The following CD9 variants were observed in gnomAD, a reference collection of about 807,000 sequenced individuals.
CD9 encodes CD9 antigen.
A neutral mutation model predicts 31.4 loss-of-function variants in CD9; 10 were observed. That is an observed-to-expected ratio of 0.32 (90% confidence interval 0.20 to 0.54). The LOEUF is 0.54. CD9 is among the 20% of genes least tolerant of loss of function. CD9 has a pLI of 0.94. For synonymous variants in CD9, 113 were observed against 114.1 expected, an observed-to-expected ratio of 0.99 and a Z score of 0.06; for missense variants, 259 against 300.1, an observed-to-expected ratio of 0.86 and a Z score of 1.01.
At chr12:6,229,876 A>G (rs1246456296) in intron 2 of CD9, among the ~76,000 whole-genome samples, 1 of 151,754 alleles carries the variant, frequency 6.6e-6, no homozygotes, top group East Asian at 1.9e-4. Flanking sequence ...CAGAATAAAC[A>G]ACCCTTAAGC....
chr12:6,209,161 A>G (rs1946165924), intron 1 of CD9, among the ~76,000 whole-genome samples: 2 of 150,954 alleles, frequency 1.3e-5, no homozygotes, highest in African/African-American at 2.4e-5. Context: ...TAGAGATGGG[A>G]TTTCATCATG....
intron 6 of CD9, 162 bp downstream of exon 6, chr12:6,235,727 G>T: frequency 7.0e-7 from 1 of 1,423,968 alleles, no homozygotes; most frequent in Non-Finnish European, 9.2e-7. Flanking sequence ...TGGGCCCTCT[G>T]TTTACTCAAG....
chr12:6,233,118 G>C (rs1946472166), intron 3 of CD9: 1 of 697,126 alleles, frequency 1.4e-6, no homozygotes, highest in Non-Finnish European at 2.6e-6. Context: ...GTGAACAATA[G>C]TAGTTGCCTG....
intron 6 of CD9, 189 bp downstream of exon 6, chr12:6,235,754 C>T: frequency 7.1e-7 from 1 of 1,408,366 alleles, no homozygotes; most frequent in Non-Finnish European, 9.2e-7. Flanking sequence ...AAAACAAAGG[C>T]CGGACCAGGG....
At chr12:6,233,657 T>C (rs1946480106) in intron 4 of CD9, among the ~76,000 whole-genome samples, 171 bp downstream of exon 4, 1 of 152,140 alleles carries the variant, frequency 6.6e-6, no homozygotes, top group Admixed American at 6.5e-5. Context: ...GGGCAGGGAA[T>C]GTCAGTGCGC....
intron 2 of CD9, among the ~76,000 whole-genome samples, chr12:6,229,525 G>A (rs533741253): frequency 6.6e-6 from 1 of 152,300 alleles, no homozygotes; most frequent in South Asian, 2.1e-4. Flanking sequence ...TCGGGAGGGC[G>A]GGAACCAAGA....
chr12:6,216,694 C>T (rs1488278958), intron 1 of CD9, among the ~76,000 whole-genome samples: 1 of 152,126 alleles, frequency 6.6e-6, no homozygotes, highest in Non-Finnish European at 1.5e-5. Flanking sequence ...AGGTGTGAAG[C>T]AGATAAGTTT....
At chr12:6,205,671 A>G (rs949565637) in intron 1 of CD9, among the ~76,000 whole-genome samples, 1 of 152,208 alleles carries the variant, frequency 6.6e-6, no homozygotes, top group Admixed American at 6.5e-5. Context: ...AAGGAGGCAT[A>G]GCTTTTGGAC....
intron 1 of CD9, among the ~76,000 whole-genome samples, chr12:6,208,132 G>A (rs1055116242): frequency 2.6e-5 from 4 of 151,772 alleles, no homozygotes; most frequent in African/African-American, 7.3e-5. Flanking sequence ...GCTGAGGCAG[G>A]AGAATTGCTT....
intron 1 of CD9, among the ~76,000 whole-genome samples, chr12:6,222,284 G>A (rs922336723): frequency 1.3e-5 from 2 of 152,196 alleles, no homozygotes; most frequent in South Asian, 2.1e-4. Flanking sequence ...CAGTCATTCT[G>A]TCAGAAAAGG....
At chr12:6,235,869 C>T (rs969548667) in intron 6 of CD9, 28 of 1,366,434 alleles carry the variant, frequency 2.0e-5, no homozygotes, top group Non-Finnish European at 2.5e-5. Flanking sequence ...GTCAGTGGCT[C>T]CTGTCTGTAA....
intron 1 of CD9, among the ~76,000 whole-genome samples, chr12:6,204,027 G>A (rs983044853): frequency 1.4e-5 from 2 of 140,044 alleles, no homozygotes; most frequent in African/African-American, 2.7e-5. Flanking sequence ...AGACCTAGGG[G>A]AGGCTGGTGC....
chr12:6,228,119 AG>A (rs1268716903), intron 2 of CD9, among the ~76,000 whole-genome samples: 2 of 152,234 alleles, frequency 1.3e-5, no homozygotes, highest in African/African-American at 4.8e-5. Context: ...TAGCTCTGCC[AG>A]GGAAATACAG....
intron 1 of CD9, among the ~76,000 whole-genome samples, chr12:6,217,208 G>A (rs1946251960): frequency 1.3e-5 from 2 of 152,094 alleles, no homozygotes; most frequent in South Asian, 4.1e-4. Context: ...TGGGATTGCT[G>A]AGGCAGGTGC....
intron 1 of CD9, among the ~76,000 whole-genome samples, chr12:6,217,010 A>T: frequency 6.6e-6 from 1 of 152,218 alleles, no homozygotes; most frequent in East Asian, 1.9e-4. Flanking sequence ...TGAAGGCAGG[A>T]CAGGTATCAT....
intron 4 of CD9, among the ~76,000 whole-genome samples, chr12:6,234,867 G>A (rs976250542): frequency 3.3e-5 from 5 of 152,204 alleles, no homozygotes; most frequent in Non-Finnish European, 7.3e-5. Context: ...AAAACAAGAT[G>A]GAAGCCTGAG....
chr12:6,213,862 GGGCTA>G (rs567497713), intron 1 of CD9, among the ~76,000 whole-genome samples: 120 of 152,284 alleles, frequency 7.9e-4, no homozygotes, highest in African/African-American at 2.7e-3. Context: ...GCCCCCACCA[GGGCTA>G]GGGTCAACAC....
intron 1 of CD9, among the ~76,000 whole-genome samples, chr12:6,202,564 T>C (rs1946088812): frequency 6.6e-6 from 1 of 152,228 alleles, no homozygotes; most frequent in Admixed American, 6.5e-5. Context: ...CCTACCCCCA[T>C]CTGCCCCATG....
intron 6 of CD9, 130 bp downstream of exon 6, chr12:6,235,695 C>T: frequency 7.0e-7 from 1 of 1,438,750 alleles, no homozygotes; most frequent in Non-Finnish European, 9.1e-7. Context: ...CCCCAGGGCA[C>T]CCATCTCTTT....
Sources: gnomAD v4.1 joint callset for allele counts (sites outside exome capture counted in the v4.1 genomes callset) on GRCh38, gnomAD v4.1.1 for gene constraint, MANE v1.5 for transcripts, NCBI Gene and HGNC (gene_info 2026-07-23, HGNC 2026-07-21) for gene names.